The following TMED7 variants were observed in gnomAD, a reference collection of about 807,000 sequenced individuals.
TMED7 encodes the protein transmembrane emp24 domain-containing protein 7.
Under a neutral mutation model 23.4 loss-of-function variants are expected in TMED7, and 8 were observed. That is an observed-to-expected ratio of 0.34 (90% CI 0.20 to 0.62). The LOEUF (loss-of-function observed/expected upper bound fraction) is 0.62, where lower values mean the gene tolerates loss of function less well. Among genes scored for constraint, TMED7 ranks in the 20% least tolerant of loss-of-function variants. The probability of loss-of-function intolerance (pLI) is 0.77; values close to 1 mark genes in which losing one functional copy is unlikely to be tolerated. For synonymous variants in TMED7, 121 were observed against 108.5 expected, an observed-to-expected ratio of 1.12 and a Z score of -0.72; for missense variants, 232 against 279.1, an observed-to-expected ratio of 0.83 and a Z score of 1.20.
chr5:115,624,447 C>T (rs1338226704), intron 1 of TMED7, among the ~76,000 whole-genome samples: 1 of 152,196 alleles, frequency 6.6e-6, no homozygotes, highest in East Asian at 1.9e-4. Context: ...CCTAATCAGC[C>T]TTCCACATCC....
chr5:115,622,270 G>C (rs1757056691), intron 1 of TMED7, among the ~76,000 whole-genome samples: 3 of 152,126 alleles, frequency 2.0e-5, no homozygotes, highest in Admixed American at 2.0e-4. Context: ...TCACTTAACA[G>C]TATCCCTTTA....
chr5:115,620,831 T>A, intron 1 of TMED7, 151 bp from the exon 2 acceptor site: 2 of 1,012,246 alleles, frequency 2.0e-6, no homozygotes, highest in Non-Finnish European at 2.6e-6. Flanking sequence ...ACTTGGGAGA[T>A]TTTACTTCAA....
At chr5:115,618,278 T>G (rs1561589277) in intron 2 of TMED7, among the ~76,000 whole-genome samples, 1 of 152,200 alleles carries the variant, frequency 6.6e-6, no homozygotes, top group Non-Finnish European at 1.5e-5. Flanking sequence ...CTACAAATAC[T>G]TTTATACTTT....
intron 2 of TMED7, 57 bp from the exon 3 acceptor site, chr5:115,616,502 C>G: frequency 1.2e-6 from 2 of 1,601,918 alleles, no homozygotes; most frequent in Non-Finnish European, 1.7e-6. Flanking sequence ...CTTCATCTAT[C>G]ATATTCAGCT....
chr5:115,616,554 C>T, intron 2 of TMED7, 109 bp from the exon 3 acceptor site: 1 of 1,488,286 alleles, frequency 6.7e-7, no homozygotes, highest in Non-Finnish European at 9.1e-7. Context: ...GACTAACATG[C>T]TACTAATCTG....
intron 2 of TMED7, 178 bp from the exon 3 acceptor site, chr5:115,616,623 C>T: frequency 1.1e-6 from 1 of 892,854 alleles, no homozygotes; most frequent in South Asian, 1.8e-5. Flanking sequence ...TGCTCATTTT[C>T]ACTGGGACAA....
At chr5:115,616,668 T>G (rs1303142952) in intron 2 of TMED7, 1 of 623,642 alleles carries the variant, frequency 1.6e-6, no homozygotes, top group East Asian at 3.1e-5. Flanking sequence ...AGCAGCTGTT[T>G]TCCCCAACTG....
In TMED7 at chr5:115,615,469, T is replaced by G. The variant is rs1272663057; in HGVS notation, c.*740A>C. The G allele has an allele frequency of 6.6e-6, 1 of 152,286 alleles. No homozygotes were observed. Among genetic ancestry groups the G allele is most frequent in the East Asian group, 1.9e-4 (1 of 5,206 alleles). The allele number at this position is 152,286 out of a possible 1,614,324, so 9.4% of individuals were successfully genotyped here. Reference sequence around the variant, plus strand: ...GTAACTCACTAAAAATTTTCCTATTTCATTTGCCCCCATTGTAGTGTCTTA... The same window carrying G: ...GTAACTCACTAAAAATTTTCCTATTGCATTTGCCCCCATTGTAGTGTCTTA... On this transcript the variant is annotated 3_prime_UTR_variant, in exon 3 of 3. Coordinates refer to ENST00000456936, the MANE Select transcript of TMED7 (RefSeq NM_181836.6).
intron 2 of TMED7, among the ~76,000 whole-genome samples, chr5:115,619,598 T>C (rs1382141929): frequency 6.6e-6 from 1 of 152,172 alleles, no homozygotes. Context: ...CATAATGAGA[T>C]ATCTTTGTGA....
Position 115,620,422 on chromosome 5 carries a change from T to C in TMED7, c.438+13A>G, listed in dbSNP as rs754799943. On this transcript the variant is annotated intron_variant, in intron 2 of 2. Coordinates refer to ENST00000456936, the MANE Select transcript of TMED7 (RefSeq NM_181836.6). ...AAATATACCAACATTATATTGCTGA[T>C]TTTTTTATTTACCTGGGTAAGAGCA... The C allele has an allele frequency of 1.4e-6, 2 of 1,480,092 alleles. No individual in the cohort carries two copies. Among genetic ancestry groups the C allele is most frequent in the Non-Finnish European group, 9.0e-7 (1 of 1,117,042 alleles). 91.7% of individuals were successfully genotyped at this position (1,480,092 alleles called of 1,614,324 possible). A position where few individuals can be genotyped will look rare whatever the true frequency, so the allele number is the denominator to read the frequency against.
At position 115,625,742 on chromosome 5, in the gene TMED7, C is replaced by A. The variant is rs775673404; in HGVS notation, c.51G>T (p.Trp17Cys). The change falls in exon 1 of 3, where the codon TGG becomes TGT. Residue 17 changes from tryptophan (W) to cysteine (C), a missense_variant. Physicochemically the swap from Trp to Cys is radical, Grantham distance 215. This residue lies in a region of TMED7 where 106 missense variants were observed against 97.0 expected (regional missense o/e 1.09). Coordinates refer to ENST00000456936, the MANE Select transcript of TMED7 (RefSeq NM_181836.6). ...GCAGCAGTGCGAGCAGCCTGCACCCCCAACGGCCCGCGACGGCCGCCCAGC... is the reference window on the plus strand; with the variant it reads ...GCAGCAGTGCGAGCAGCCTGCACCCACAACGGCCCGCGACGGCCGCCCAGC... ...AQRWAAVAGR[W>C]GCRLLALLLL... 23 of 1,562,146 alleles carry A rather than the reference C, an allele frequency of 1.5e-5. No individual in the cohort carries two copies. Among genetic ancestry groups the A allele is most frequent in the Admixed American group, 3.8e-5 (2 of 52,746 alleles).
rs1200298184 is a variant in TMED7, at chr5:115,615,361, G to A, written c.*848C>T. 1 of 152,542 alleles carries A rather than the reference G, an allele frequency of 6.6e-6. No individual in the cohort carries two copies. The highest frequency in any genetic ancestry group is 2.4e-5 in the African/African-American group (1 of 41,440). The allele number at this position is 152,542 out of a possible 1,614,324, so 9.4% of individuals were successfully genotyped here. On this transcript the variant is annotated 3_prime_UTR_variant, in exon 3 of 3. Coordinates refer to ENST00000456936, the MANE Select transcript of TMED7 (RefSeq NM_181836.6). ...TCACAGACATTAAAGTCATATAAGG[G>A]CAAGAGCTAGCCAATTAAAATTTTA... is the stretch of plus-strand genomic sequence containing the variant.
At chr5:115,622,883 C>A (rs1418853785) in intron 1 of TMED7, among the ~76,000 whole-genome samples, 1 of 152,238 alleles carries the variant, frequency 6.6e-6, no homozygotes, top group Non-Finnish European at 1.5e-5. Flanking sequence ...TGCTTTACAT[C>A]TGCACTGACA....
In TMED7 at chr5:115,620,602, T is replaced by C; in HGVS notation, c.271A>G (p.Lys91Glu). The stretch of plus-strand genomic sequence containing the variant: ...GTGAAGGTAAAACTATCATACTGTT[T>C]CTTCATCTCTTTGTATAACACTTTA... ...DGKVLYKEMKKQYDSFTFTAS... is the reference protein window; with the variant it reads ...DGKVLYKEMKEQYDSFTFTAS... Residue 91 changes from lysine (K) to glutamate (E), a missense_variant, in exon 2 of 3, where the codon AAA becomes GAA. Around this residue, in one of 2 missense-constraint regions of TMED7, gnomAD observed 126 missense variants for 182.1 expected, o/e 0.69. Coordinates refer to ENST00000456936, the MANE Select transcript of TMED7 (RefSeq NM_181836.6). 2 of 1,602,028 alleles carry C rather than the reference T, an allele frequency of 1.2e-6. No individual in the cohort carries two copies. The highest frequency in any genetic ancestry group is 1.7e-6 in the Non-Finnish European group (2 of 1,175,288).
chr5:115,623,540 C>T (rs778462221), intron 1 of TMED7, among the ~76,000 whole-genome samples: 2 of 152,112 alleles, frequency 1.3e-5, no homozygotes, highest in African/African-American at 4.8e-5. Flanking sequence ...AGTTTTGTGA[C>T]TATTAATAAA....
At chr5:115,617,825 G>A (rs1280869637) in intron 2 of TMED7, among the ~76,000 whole-genome samples, 2 of 152,212 alleles carry the variant, frequency 1.3e-5, no homozygotes, top group Non-Finnish European at 1.5e-5. Flanking sequence ...ATGGAGTCTC[G>A]CTCTGTCACC....
chr5:115,623,550 A>C (rs548811453), intron 1 of TMED7, among the ~76,000 whole-genome samples: 6 of 152,310 alleles, frequency 3.9e-5, no homozygotes, highest in Non-Finnish European at 7.4e-5. Context: ...CTATTAATAA[A>C]TATAACTATA....
intron 2 of TMED7, among the ~76,000 whole-genome samples, chr5:115,617,429 T>G (rs1030507483): frequency 6.6e-6 from 1 of 152,182 alleles, no homozygotes; most frequent in Non-Finnish European, 1.5e-5. Flanking sequence ...AAAGTGCTTT[T>G]AAAAAATGTA....
At chr5:115,621,661 T>C (rs1294233721) in intron 1 of TMED7, among the ~76,000 whole-genome samples, 1 of 152,126 alleles carries the variant, frequency 6.6e-6, no homozygotes, top group African/African-American at 2.4e-5. Flanking sequence ...ACTGGATAAG[T>C]ATTGTAAGAG....
Sources: gnomAD v4.1 joint callset for allele counts (sites outside exome capture counted in the v4.1 genomes callset) on GRCh38, gnomAD v4.1.1 for gene constraint, gnomAD v4.1.1 regional missense constraint, MANE v1.5 for transcripts, NCBI Gene and HGNC (gene_info 2026-07-23, HGNC 2026-07-21) for gene names.